Variants in TMCC1 observed in about 807,000 individuals in gnomAD.
TMCC1 encodes the protein transmembrane and coiled-coil domains protein 1.
A neutral mutation model predicts 52.4 loss-of-function variants in TMCC1; 15 were observed. That is an observed-to-expected ratio of 0.29 (90% CI 0.19 to 0.44). The LOEUF (loss-of-function observed/expected upper bound fraction) is 0.44, where lower values mean the gene tolerates loss of function less well. TMCC1 is among the 20% of genes least tolerant of loss of function. The probability of loss-of-function intolerance (pLI) is 1.00; values close to 1 mark genes in which losing one functional copy is unlikely to be tolerated. For synonymous variants in TMCC1, 279 were observed against 301.9 expected (o/e 0.92, Z 0.79); for missense variants, 503 against 806.0 (o/e 0.62, Z 4.55).
intron 4 of TMCC1, among the ~76,000 whole-genome samples, chr3:129,702,250 T>C (rs1300404648): frequency 9.0e-6 from 1 of 111,202 alleles, no homozygotes; most frequent in African/African-American, 5.9e-5. Context: ...TCCCCAATTG[T>C]TTTTTTTTTT....
chr3:129,708,294 C>T (rs1289603934), intron 4 of TMCC1, among the ~76,000 whole-genome samples: 1 of 151,962 alleles, frequency 6.6e-6, no homozygotes, highest in East Asian at 1.9e-4. Context: ...TGCTTCCTTC[C>T]TTGAATTTTA....
At chr3:129,662,638 A>AAAAAC (rs541237205) in intron 5 of TMCC1, among the ~76,000 whole-genome samples, 3 of 152,290 alleles carry the variant, frequency 2.0e-5, no homozygotes, top group South Asian at 2.1e-4. Flanking sequence ...TCCATCTCAA[A>AAAAAC]AAAACAAAAC....
At chr3:129,787,584 C>G (rs2056130706) in intron 4 of TMCC1, among the ~76,000 whole-genome samples, 2 of 151,996 alleles carry the variant, frequency 1.3e-5, no homozygotes, top group South Asian at 4.2e-4. Flanking sequence ...CTAATGTAAG[C>G]CAAAATGATA....
At chr3:129,770,632 G>GAAATA (rs564101821) in intron 4 of TMCC1, among the ~76,000 whole-genome samples, 16,390 of 140,688 alleles carry the variant, frequency 0.12, 1,259 homozygotes, top group East Asian at 0.4. Context: ...GAAATGAAAT[G>GAAATA]AAATAAAATA....
intron 4 of TMCC1, among the ~76,000 whole-genome samples, chr3:129,683,599 A>T (rs1249068909): frequency 6.6e-6 from 1 of 152,156 alleles, no homozygotes; most frequent in East Asian, 1.9e-4. Context: ...TGTTTTTCAT[A>T]GATTTAGGGG....
At chr3:129,789,520 G>A (rs1456526031) in intron 4 of TMCC1, among the ~76,000 whole-genome samples, 2 of 151,928 alleles carry the variant, frequency 1.3e-5, no homozygotes, top group African/African-American at 4.8e-5. Flanking sequence ...TCGCTCTGTC[G>A]CCCAGGCTAG....
At chr3:129,739,906 AC>A (rs2051311363) in intron 4 of TMCC1, among the ~76,000 whole-genome samples, 1 of 152,352 alleles carries the variant, frequency 6.6e-6, no homozygotes, top group East Asian at 1.9e-4. Context: ...AAAAGGGTAA[AC>A]TAGATTTAAG....
intron 4 of TMCC1, among the ~76,000 whole-genome samples, chr3:129,696,665 G>A (rs371534618): frequency 5.3e-5 from 8 of 152,226 alleles, no homozygotes; most frequent in African/African-American, 1.4e-4. Flanking sequence ...AGTCTTTTCC[G>A]CCTATGAGCC....
chr3:129,677,478 A>T (rs1160634723), intron 4 of TMCC1, among the ~76,000 whole-genome samples: 1 of 152,228 alleles, frequency 6.6e-6, no homozygotes, highest in Non-Finnish European at 1.5e-5. Flanking sequence ...ATGTGCAGAC[A>T]AGCCAATGTG....
intron 4 of TMCC1, among the ~76,000 whole-genome samples, chr3:129,802,529 C>T (rs1371848678): frequency 6.6e-6 from 1 of 152,180 alleles, no homozygotes; most frequent in African/African-American, 2.4e-5. Context: ...ATCGCTTGAT[C>T]CCAGAAATTT....
chr3:129,720,265 G>C (rs767356807), intron 4 of TMCC1, among the ~76,000 whole-genome samples: 1 of 151,722 alleles, frequency 6.6e-6, no homozygotes, highest in Non-Finnish European at 1.5e-5. Flanking sequence ...CTTTGGCCAA[G>C]TGAAGTGTCA....
At chr3:129,738,484 C>T (rs771029236) in intron 4 of TMCC1, among the ~76,000 whole-genome samples, 5 of 150,846 alleles carry the variant, frequency 3.3e-5, no homozygotes, top group Non-Finnish European at 7.4e-5. Flanking sequence ...TACTTCCAAA[C>T]AGGAATTTAA....
At chr3:129,701,238 A>G (rs1344310946) in intron 4 of TMCC1, among the ~76,000 whole-genome samples, 1 of 152,216 alleles carries the variant, frequency 6.6e-6, no homozygotes, top group Non-Finnish European at 1.5e-5. Flanking sequence ...TAACATCCGC[A>G]GTCACTGAAA....
intron 4 of TMCC1, among the ~76,000 whole-genome samples, chr3:129,702,820 C>T (rs1033179857): frequency 2.0e-5 from 3 of 151,948 alleles, no homozygotes; most frequent in South Asian, 2.1e-4. Context: ...GTTCGACACC[C>T]GCCTGGCTAA....
Position 129,828,727 on chromosome 3 carries a change from T to C in TMCC1, c.-130-219A>G, listed in dbSNP as rs188237461. On this transcript the variant is annotated intron_variant, in intron 3 of 6. Transcript: ENST00000393238. The surrounding 1 kb of genome is among the most constrained non-coding windows in gnomAD (Gnocchi z 4.1). ...AGAGAAAAAGCCCAGAACAAGTCCA[T>C]AGGAAATTAAAACAGCAATGTTCAA... is the stretch of plus-strand genomic sequence containing the variant. 6.2e-4 allele frequency among the ~76,000 whole-genome samples: 94 copies of C among 152,174 alleles called. No individual in the cohort carries two copies. The highest frequency in any genetic ancestry group is 2.1e-3 in the African/African-American group (87 of 41,530).
chr3:129,669,438 T>A (rs552530447), intron 5 of TMCC1, among the ~76,000 whole-genome samples: 5 of 148,686 alleles, frequency 3.4e-5, no homozygotes, highest in South Asian at 4.2e-4. Flanking sequence ...AGAAAAAAAT[T>A]TTTTTTTTTT....
intron 2 of TMCC1, among the ~76,000 whole-genome samples, chr3:129,848,967 T>C (rs2059790170): frequency 6.6e-6 from 1 of 152,166 alleles, no homozygotes; most frequent in East Asian, 1.9e-4. Flanking sequence ...ATATTGCCCA[T>C]TCTACAGTCT....
chr3:129,671,001 G>A lies in TMCC1; in HGVS notation c.840C>T (p.Val280=). Residue 280 remains valine, a synonymous_variant, in exon 5 of 7, where the codon GTC becomes GTT. Transcript: ENST00000393238. The stretch of plus-strand genomic sequence containing the variant: ...CAGATTTCTGGTTCTTCTTCTCAAA[G>A]ACTTGCTTGATGCGGGCAGCCTGCT... ...DKQQAARIKQ[V]FEKKNQKSAQ... 6.2e-7 allele frequency: 1 copy of A among 1,614,206 alleles called. No individual in the cohort carries two copies. The highest frequency in any genetic ancestry group is 2.2e-5 in the East Asian group (1 of 44,890).
intron 2 of TMCC1, among the ~76,000 whole-genome samples, chr3:129,877,370 T>C (rs2061264815): frequency 6.6e-6 from 1 of 152,220 alleles, no homozygotes. Context: ...CTAGTTCTCA[T>C]CTTAACTCTC....
Sources: allele counts gnomAD v4.1 joint callset (sites outside exome capture counted in the v4.1 genomes callset), GRCh38; gene constraint gnomAD v4.1.1; non-coding constraint Gnocchi (gnomAD v3.1); transcripts MANE v1.5; gene names NCBI Gene and HGNC (gene_info 2026-07-23, HGNC 2026-07-21).